Variants in ANKS6 observed in about 807,000 individuals in gnomAD.
ANKS6 encodes ankyrin repeat and sterile alpha motif domain containing 6.
In ANKS6, 47 loss-of-function variants were observed where a neutral mutation model predicts 77.9. That is an observed-to-expected ratio of 0.60 (90% CI 0.48 to 0.77). ANKS6 has a LOEUF of 0.77. ANKS6 is among the 30% of genes least tolerant of loss of function. The pLI is 0.00. For synonymous variants in ANKS6, 488 were observed against 501.7 expected, an observed-to-expected ratio of 0.97 and a Z score of 0.37; for missense variants, 1,150 against 1,159.1, an observed-to-expected ratio of 0.99 and a Z score of 0.11.
intron 11 of ANKS6, among the ~76,000 whole-genome samples, chr9:98,762,265 T>C (rs998986585): frequency 5.3e-5 from 8 of 152,224 alleles, no homozygotes; most frequent in African/African-American, 1.9e-4. Flanking sequence ...CTTCTGGATA[T>C]TGACCCGTAT....
In ANKS6 at chr9:98,790,560, C is replaced by T; in HGVS notation, c.406G>A (p.Asp136Asn). The change falls in exon 2 of 15, where the codon GAT becomes AAT. Residue 136 changes from aspartate (D) to asparagine (N), a missense_variant. Coordinates refer to ENST00000353234, the MANE Select transcript of ANKS6 (RefSeq NM_173551.5). ...VAHLLLDHGA[D>N]VNAQNRLGAS... ...CCCAGCCGGTTCTGGGCATTGACAT[C>T]AGCCCCGTGATCCAACAGGAGGTGT... 2 of 1,611,122 alleles carry T rather than the reference C, an allele frequency of 1.2e-6. No homozygotes were observed. The highest frequency in any genetic ancestry group is 1.7e-6 in the Non-Finnish European group (2 of 1,177,818).
At chr9:98,768,553 C>A (rs1391923011) in intron 10 of ANKS6, among the ~76,000 whole-genome samples, 1 of 152,226 alleles carries the variant, frequency 6.6e-6, no homozygotes, top group Non-Finnish European at 1.5e-5. Context: ...CCCCACCAGG[C>A]ACAGATGCAA....
chr9:98,748,337 G>A (rs1251653222), intron 13 of ANKS6, among the ~76,000 whole-genome samples: 1 of 152,182 alleles, frequency 6.6e-6, no homozygotes, highest in East Asian at 1.9e-4. Flanking sequence ...ACGACTACTT[G>A]TGAAGGGGTA....
At position 98,732,611 on chromosome 9, in the gene ANKS6, T is replaced by C. The variant is rs1831261964; in HGVS notation, c.*3908A>G. On this transcript the variant is annotated 3_prime_UTR_variant, in exon 15 of 15. Coordinates refer to ENST00000353234, the MANE Select transcript of ANKS6 (RefSeq NM_173551.5). ...AGATGAGAGATGAAAGGATTTAAAA[T>C]GGGCAACCATCTTTGAGGTTTCCCA... 12 of 1,549,806 alleles carry C rather than the reference T, an allele frequency of 7.7e-6. No homozygotes were observed. The highest frequency in any genetic ancestry group is 1.4e-5 in the African/African-American group (1 of 73,164).
chr9:98,786,292 TG>T (rs1170725502), intron 2 of ANKS6, among the ~76,000 whole-genome samples: 4 of 148,484 alleles, frequency 2.7e-5, no homozygotes, highest in Non-Finnish European at 5.9e-5. Context: ...ACTCCAGAAT[TG>T]TTTTTTTTTT....
chr9:98,784,886 C>G lies in ANKS6; in HGVS notation c.863-10G>C. ...CGCCTTTTCTCCTCATCTGGGTAAA[C>G]AAAGATTTTTAAAGTTAACCACGGA... On this transcript the variant is annotated splice_polypyrimidine_tract_variant and intron_variant, in intron 2 of 14. Transcript: ENST00000353234. 2 of 1,612,410 alleles carry G rather than the reference C, an allele frequency of 1.2e-6. No homozygotes were observed. Among genetic ancestry groups the G allele is most frequent in the Non-Finnish European group, 1.7e-6 (2 of 1,179,410 alleles).
chr9:98,752,741 C>T (rs988533527), intron 12 of ANKS6, among the ~76,000 whole-genome samples: 3 of 152,190 alleles, frequency 2.0e-5, no homozygotes, highest in African/African-American at 7.2e-5. Context: ...AAAGCAGGGA[C>T]TCAAGCCCAG....
intron 12 of ANKS6, 47 bp from the exon 13 acceptor site, chr9:98,751,143 G>A: frequency 6.7e-7 from 1 of 1,481,814 alleles, no homozygotes; most frequent in Non-Finnish European, 9.3e-7. Context: ...TTAGAATTTG[G>A]TAAAGTGGTC....
Position 98,736,230 on chromosome 9 carries a change from G to T in ANKS6, c.*289C>A. 1 of 1,228,216 alleles carries T rather than the reference G, an allele frequency of 8.1e-7. No individual in the cohort carries two copies. The highest frequency in any genetic ancestry group is 1.5e-5 in the African/African-American group (1 of 64,610). The allele number at this position is 1,228,216 out of a possible 1,614,324, so 76.1% of individuals were successfully genotyped here. A position where few individuals can be genotyped will look rare whatever the true frequency, so the allele number is the denominator to read the frequency against. On this transcript the variant is annotated 3_prime_UTR_variant, in exon 15 of 15. Transcript: ENST00000353234. ...GCAAACTCTGAGGCTCCCGGGGAGG[G>T]CAGAGCACAGGATGAAAGGAGCTGA...
intron 12 of ANKS6, among the ~76,000 whole-genome samples, chr9:98,752,183 G>C (rs1325838183): frequency 1.3e-5 from 2 of 152,234 alleles, no homozygotes; most frequent in African/African-American, 4.8e-5. Context: ...AGCATTTCCA[G>C]TTTTACAAAC....
intron 13 of ANKS6, among the ~76,000 whole-genome samples, chr9:98,750,015 T>C (rs1832342105): frequency 6.6e-6 from 1 of 152,242 alleles, no homozygotes; most frequent in Admixed American, 6.5e-5. Flanking sequence ...CTTACTGAGA[T>C]ATAATTCATC....
chr9:98,757,105 C>T (rs189283159), intron 11 of ANKS6, among the ~76,000 whole-genome samples: 13 of 152,278 alleles, frequency 8.5e-5, no homozygotes, highest in South Asian at 6.2e-4. Context: ...TAATTCTAGA[C>T]GTATAGAAGA....
Position 98,735,323 on chromosome 9 carries a change from T to C in ANKS6, c.*1196A>G. 2.0e-6 allele frequency: 2 copies of C among 1,017,942 alleles called. No individual in the cohort carries two copies. The highest frequency in any genetic ancestry group is 2.3e-6 in the Non-Finnish European group (2 of 852,060). The allele number at this position is 1,017,942 out of a possible 1,614,324, so 63.1% of individuals were successfully genotyped here. On this transcript the variant is annotated 3_prime_UTR_variant, in exon 15 of 15. Transcript: ENST00000353234. ...TTGCCTGTCGAGAGCCTGAAGGCTC[T>C]GTATTGTGTCTGCACACTTGGCACC...
In ANKS6 at chr9:98,732,749, C is replaced by A; in HGVS notation, c.*3770G>T. On this transcript the variant is annotated 3_prime_UTR_variant, in exon 15 of 15. Transcript: ENST00000353234. ...ACTGGGACTCAAAGGGAAGAAGAAACGTGCTCAACATCACGCAGCACTAGG... is the reference window on the plus strand; with the variant it reads ...ACTGGGACTCAAAGGGAAGAAGAAAAGTGCTCAACATCACGCAGCACTAGG... 4.2e-6 allele frequency: 6 copies of A among 1,426,546 alleles called. No individual in the cohort carries two copies. The highest frequency in any genetic ancestry group is 3.7e-6 in the Non-Finnish European group (4 of 1,093,638). 88.4% of individuals were successfully genotyped at this position (1,426,546 alleles called of 1,614,324 possible).
rs749499336 is a variant in ANKS6, at chr9:98,739,758, A to ATTTTTTTTTTTTTTTTTTTTTTTTTT, written c.2512-3136_2512-3135insAAAAAAAAAAAAAAAAAAAAAAAAAA. Among the ~76,000 whole-genome samples the ATTTTTTTTTTTTTTTTTTTTTTTTTT allele has an allele frequency of 2.3e-5, 2 of 88,858 alleles. 1 individual carries two copies. Among genetic ancestry groups the ATTTTTTTTTTTTTTTTTTTTTTTTTT allele is most frequent in the Non-Finnish European group, 4.1e-5 (2 of 48,402 alleles). 58.3% of individuals were successfully genotyped at this position (88,858 alleles called of 152,430 possible). A position where few individuals can be genotyped will look rare whatever the true frequency, so the allele number is the denominator to read the frequency against. On this transcript the variant is annotated intron_variant, in intron 14 of 14. Coordinates refer to ENST00000353234, the MANE Select transcript of ANKS6 (RefSeq NM_173551.5). ...CTCAGAGGGCAGCAGTGGATTAAAC[A>ATTTTTTTTTTTTTTTTTTTTTTTTTT]TTTTTTTTTTTTTTTTGAGACGGAG...
intron 14 of ANKS6, among the ~76,000 whole-genome samples, chr9:98,737,288 C>T (rs374358937): frequency 1.3e-5 from 2 of 152,094 alleles, no homozygotes; most frequent in South Asian, 2.1e-4. Flanking sequence ...GTCAAACTGT[C>T]GCTGTTTGCT....
chr9:98,784,591 G>A, intron 3 of ANKS6: 2 of 505,022 alleles, frequency 4.0e-6, no homozygotes, highest in South Asian at 7.0e-5. Context: ...GATGCAGGAA[G>A]AGCTAGGGCA....
Position 98,735,910 on chromosome 9 carries a change from T to C in ANKS6, c.*609A>G. The C allele has an allele frequency of 1.6e-6, 2 of 1,231,344 alleles. No homozygotes were observed. The highest frequency in any genetic ancestry group is 6.2e-4 in the Middle Eastern group (2 of 3,202). The allele number at this position is 1,231,344 out of a possible 1,614,324, so 76.3% of individuals were successfully genotyped here. Reference sequence around the variant, plus strand: ...GGCTGAAAGGGGGTCAAAAAAGACTTCATCTGAGAGGTGACTTGGACTAGG... The same window carrying C: ...GGCTGAAAGGGGGTCAAAAAAGACTCCATCTGAGAGGTGACTTGGACTAGG... On this transcript the variant is annotated 3_prime_UTR_variant, in exon 15 of 15. Coordinates refer to ENST00000353234, the MANE Select transcript of ANKS6 (RefSeq NM_173551.5).
chr9:98,732,995 C>G lies in ANKS6; in HGVS notation c.*3524G>C, dbSNP rs1461205910. ...TCCATCTCTCTCCTCTGGGGCGTGC[C>G]CAGGCTGAGCCTGAGCCATCATCGA... On this transcript the variant is annotated 3_prime_UTR_variant, in exon 15 of 15. Coordinates refer to ENST00000353234, the MANE Select transcript of ANKS6 (RefSeq NM_173551.5). 1 of 957,760 alleles carries G rather than the reference C, an allele frequency of 1.0e-6. No individual in the cohort carries two copies. Among genetic ancestry groups the G allele is most frequent in the Admixed American group, 5.2e-5 (1 of 19,256 alleles). The allele number at this position is 957,760 out of a possible 1,614,324, so 59.3% of individuals were successfully genotyped here. A position where few individuals can be genotyped will look rare whatever the true frequency, so the allele number is the denominator to read the frequency against.
Sources: gnomAD v4.1 joint callset for allele counts (sites outside exome capture counted in the v4.1 genomes callset) on GRCh38, gnomAD v4.1.1 for gene constraint, MANE v1.5 for transcripts, NCBI Gene and HGNC (gene_info 2026-07-23, HGNC 2026-07-21) for gene names.